RCHY1: variants seen among roughly 807,000 people sequenced by gnomAD.
The protein encoded by RCHY1 is RING finger and CHY zinc finger domain-containing protein 1.
Under a neutral mutation model 41.6 loss-of-function variants are expected in RCHY1, and 21 were observed. The ratio of observed to expected loss-of-function variants is 0.51; its 90% CI spans 0.36 to 0.73. The LOEUF (loss-of-function observed/expected upper bound fraction) is 0.73. Among genes scored for constraint, RCHY1 ranks in the 30% least tolerant of loss-of-function variants. The probability of loss-of-function intolerance (pLI) is 0.00; values close to 1 mark genes in which losing one functional copy is unlikely to be tolerated. For missense variants in RCHY1, 265 were observed against 325.3 expected (o/e 0.81, Z 1.43); for synonymous variants, 79 against 102.9 (o/e 0.77, Z 1.41).
chr4:75,493,921 G>C (rs1722959430), intron 4 of RCHY1, among the ~76,000 whole-genome samples, 180 bp downstream of exon 4: 1 of 151,642 alleles, frequency 6.6e-6, no homozygotes, highest in South Asian at 2.1e-4. Flanking sequence ...GGAACTGTAG[G>C]TCAGATATTC....
At chr4:75,505,724 CCTA>C (rs1724234267) in intron 3 of RCHY1, among the ~76,000 whole-genome samples, 1 of 152,064 alleles carries the variant, frequency 6.6e-6, no homozygotes, top group African/African-American at 2.4e-5. Flanking sequence ...GACTAAAACT[CCTA>C]CTGAGAACTA....
rs374029900 is a variant in RCHY1, at chr4:75,482,657, T to G, written c.667A>C (p.Asn223His). ...ACAGTGGATCGTCCATTACAGTCAT[T>G]GCAGAGAATCTGAAAAGAGATTAAT... The part of the protein sequence containing the change: ...YQNMTVDILC[N>H]DCNGRSTVQF... The change falls in exon 9 of 9, where the codon AAT becomes CAT. Residue 223 changes from asparagine (N) to histidine (H), a missense_variant. Transcript: ENST00000324439. The G allele has an allele frequency of 1.9e-6, 3 of 1,603,760 alleles. No individual in the cohort carries two copies. The African/African-American group carries it at 4.0e-5, about 21-fold the overall frequency.
At chr4:75,496,294 C>CT (rs1723198390) in intron 3 of RCHY1, among the ~76,000 whole-genome samples, 1 of 151,926 alleles carries the variant, frequency 6.6e-6, no homozygotes, top group African/African-American at 2.4e-5. Context: ...CATTTATTGC[C>CT]TAGAGAGTTT....
rs748610521 is a variant in RCHY1 at position 75,490,683 on chromosome 4, T to A, written c.555A>T (p.Leu185Phe). The A allele has an allele frequency of 6.2e-7, 1 of 1,608,394 alleles. No homozygotes were observed. Among genetic ancestry groups the A allele is most frequent in the East Asian group, 2.2e-5 (1 of 44,776 alleles). The stretch of plus-strand genomic sequence containing the variant: ...TCATATCTAAAGCAGAGTGCATACA[T>A]AATGGACATCTGTAGCCTCTGAAAG... Reference protein sequence around the residue: ...EMLKEGYRCPLCMHSALDMTR... With the variant: ...EMLKEGYRCPFCMHSALDMTR... The change falls in exon 8 of 9, where the codon TTA becomes TTT. Residue 185 changes from leucine to phenylalanine, a missense_variant. Transcript: ENST00000324439.
In RCHY1 at chr4:75,483,787, G is replaced by A. The variant is rs148817787; in HGVS notation, c.658-1121C>T. On this transcript the variant is annotated intron_variant, in intron 8 of 8. Transcript: ENST00000324439. ...AATAATTTTCATTTGGCTTTGCTAC[G>A]TGGTTTTTATCCTCGTATGCTGAAG... is the stretch of plus-strand genomic sequence containing the variant. 2.5e-3 allele frequency among the ~76,000 whole-genome samples: 373 copies of A among 152,198 alleles called. 3 individuals carry two copies. The highest frequency in any genetic ancestry group is 3.1e-3 in the South Asian group (15 of 4,818).
Position 75,491,890 on chromosome 4 carries a change from T to A in RCHY1, c.449A>T (p.Glu150Val). The change falls in exon 5 of 9, where the codon GAG becomes GTG. Residue 150 changes from glutamate to valine, a missense_variant and splice_region_variant. By Grantham distance (121) the Glu-to-Val change is moderately radical. Coordinates refer to ENST00000324439, the MANE Select transcript of RCHY1 (RefSeq NM_015436.4). ...VSRQNCPICL[E>V]DIHTSRVVAH... ...AAGTAAAAAATATTTTAAGCCTACC[T>A]CCAAACATATTGGACAATTCTGTCG... The A allele has an allele frequency of 6.2e-7, 1 of 1,608,896 alleles. No individual in the cohort carries two copies. The highest frequency in any genetic ancestry group is 2.2e-5 in the East Asian group (1 of 44,764).
intron 7 of RCHY1, 101 bp downstream of exon 7, chr4:75,491,510 G>A (rs1041079341): frequency 3.8e-5 from 39 of 1,018,106 alleles, no homozygotes; most frequent in Non-Finnish European, 5.8e-5. Context: ...ATATTGCCAT[G>A]CCCAATATAG....
chr4:75,497,820 A>G (rs1288964548), intron 3 of RCHY1, among the ~76,000 whole-genome samples: 2 of 152,056 alleles, frequency 1.3e-5, no homozygotes, highest in Admixed American at 6.6e-5. Context: ...CACAAGCAAC[A>G]TGAAGAAAAC....
chr4:75,511,560 T>G (rs921677822), intron 1 of RCHY1, among the ~76,000 whole-genome samples: 1 of 152,202 alleles, frequency 6.6e-6, no homozygotes, highest in Non-Finnish European at 1.5e-5. Context: ...GACAACCCTC[T>G]AATTTCAGTT....
At chr4:75,512,467 T>C (rs1382174556) in intron 1 of RCHY1, among the ~76,000 whole-genome samples, 1 of 152,198 alleles carries the variant, frequency 6.6e-6, no homozygotes, top group South Asian at 2.1e-4. Context: ...CCTTCACTTG[T>C]GCACTGGATT....
intron 3 of RCHY1, among the ~76,000 whole-genome samples, chr4:75,497,493 C>G (rs1273805527): frequency 6.6e-6 from 1 of 152,128 alleles, no homozygotes; most frequent in Non-Finnish European, 1.5e-5. Context: ...TCCATAAATC[C>G]TCTCTGACCA....
intron 3 of RCHY1, among the ~76,000 whole-genome samples, chr4:75,503,668 G>A (rs570043995): frequency 2.0e-5 from 3 of 151,696 alleles, no homozygotes; most frequent in Non-Finnish European, 2.9e-5. Context: ...CTCCAGCCTG[G>A]GTGACAGAGT....
chr4:75,490,687 G>A lies in RCHY1; in HGVS notation c.551C>T (p.Pro184Leu). 1 of 1,606,616 alleles carries A rather than the reference G, an allele frequency of 6.2e-7. No individual in the cohort carries two copies. The highest frequency in any genetic ancestry group is 8.5e-7 in the Non-Finnish European group (1 of 1,174,298). Residue 184 changes from proline (P) to leucine (L), a missense_variant, in exon 8 of 9, where the codon CCA becomes CTA. Coordinates refer to ENST00000324439, the MANE Select transcript of RCHY1 (RefSeq NM_015436.4). ...ATCTAAAGCAGAGTGCATACATAAT[G>A]GACATCTGTAGCCTCTGAAAGAGAT... ...EEMLKEGYRC[P>L]LCMHSALDMT...
rs185966306 is a variant in RCHY1 at position 75,501,300 on chromosome 4, C to T, written c.327-7121G>A. Among the ~76,000 whole-genome samples, 161 of 152,288 alleles carry T rather than the reference C, an allele frequency of 1.1e-3. 5 individuals carry two copies. The East Asian group carries it at 0.021, about 20-fold the overall frequency. On this transcript the variant is annotated intron_variant, in intron 3 of 8. Coordinates refer to ENST00000324439, the MANE Select transcript of RCHY1 (RefSeq NM_015436.4). ...CTAGGATTAGAGGCGTGAGCCACTG[C>T]GCCCAGCTCTTTTAATATTTTTATT... is the stretch of plus-strand genomic sequence containing the variant.
chr4:75,512,639 C>T (rs568871880), intron 1 of RCHY1, among the ~76,000 whole-genome samples: 7 of 152,202 alleles, frequency 4.6e-5, no homozygotes, highest in African/African-American at 1.7e-4. Flanking sequence ...GATCTCCCAG[C>T]AACCACATCT....
At chr4:75,513,956 T>A (rs1172990242) in intron 1 of RCHY1, 2 of 428,058 alleles carry the variant, frequency 4.7e-6, no homozygotes, top group Non-Finnish European at 4.0e-6. Context: ...CAGAGACCAC[T>A]GTGCAAGCCT....
intron 8 of RCHY1, 92 bp downstream of exon 8, chr4:75,490,489 A>G: frequency 2.2e-6 from 2 of 921,530 alleles, no homozygotes; most frequent in Non-Finnish European, 3.3e-6. Context: ...ACCAGTATAT[A>G]TATATTTTTT....
chr4:75,512,462 A>G (rs561190753), intron 1 of RCHY1, among the ~76,000 whole-genome samples: 5 of 152,206 alleles, frequency 3.3e-5, no homozygotes, highest in African/African-American at 1.2e-4. Context: ...CAACTCCTTC[A>G]CTTGTGCACT....
At chr4:75,514,027 T>C in intron 1 of RCHY1, 170 bp downstream of exon 1, 1 of 1,034,566 alleles carries the variant, frequency 9.7e-7, no homozygotes, top group Non-Finnish European at 1.4e-6. Context: ...AGGTGGGGCT[T>C]ATCGCCTTGC....
Sources: allele counts gnomAD v4.1 joint callset (sites outside exome capture counted in the v4.1 genomes callset), GRCh38; gene constraint gnomAD v4.1.1; transcripts MANE v1.5; gene names NCBI Gene and HGNC (gene_info 2026-07-23, HGNC 2026-07-21).